The following LINGO2 variants were observed in gnomAD, a reference collection of about 807,000 sequenced individuals.
LINGO2 encodes leucine rich repeat and Ig domain containing 2, also known as leucine-rich repeat and immunoglobulin-like domain-containing nogo receptor-interacting protein 2.
In LINGO2, 14 loss-of-function variants were observed where a neutral mutation model predicts 30.6. The ratio of observed to expected loss-of-function variants is 0.46; its 90% CI spans 0.30 to 0.72. The LOEUF is 0.72. LINGO2 is among the 30% of genes least tolerant of loss of function. The probability of loss-of-function intolerance (pLI) is 0.07; values close to 1 mark genes in which losing one functional copy is unlikely to be tolerated. For missense variants in LINGO2, 729 were observed against 751.7 expected, an observed-to-expected ratio of 0.97 and a Z score of 0.35; for synonymous variants, 317 against 288.5, an observed-to-expected ratio of 1.10 and a Z score of -1.00.
At chr9:28,426,651 A>G (rs1361138407) in intron 2 of LINGO2, among the ~76,000 whole-genome samples, 1 of 152,086 alleles carries the variant, frequency 6.6e-6, no homozygotes, top group Non-Finnish European at 1.5e-5. Context: ...AAAGATGGGG[A>G]CAGAGAGGTT....
intron 1 of LINGO2, among the ~76,000 whole-genome samples, chr9:28,612,273 G>A (rs1393071954): frequency 6.6e-6 from 1 of 152,030 alleles, no homozygotes; most frequent in Non-Finnish European, 1.5e-5. Context: ...ATATTGTGTA[G>A]GCTGGTCTCC....
the LINGO2 span, among the ~76,000 whole-genome samples, chr9:28,878,633 A>C: frequency 6.6e-6 from 1 of 152,210 alleles, no homozygotes; most frequent in Non-Finnish European, 1.5e-5. Context: ...CAAAAAGCTT[A>C]TCCACCAGGA....
the LINGO2 span, among the ~76,000 whole-genome samples, chr9:28,804,308 C>G: frequency 2.0e-5 from 3 of 152,086 alleles, no homozygotes; most frequent in African/African-American, 4.8e-5. Context: ...TGATGTCCAT[C>G]GAAAGGAACA....
intron 3 of LINGO2, among the ~76,000 whole-genome samples, chr9:28,346,657 A>G (rs1449210548): frequency 1.3e-5 from 2 of 152,166 alleles, no homozygotes; most frequent in Admixed American, 6.5e-5. Context: ...TCCCACCAGC[A>G]GTGTATAAGC....
At chr9:28,766,107 A>G in the LINGO2 span, among the ~76,000 whole-genome samples, 1 of 152,092 alleles carries the variant, frequency 6.6e-6, no homozygotes, top group South Asian at 2.1e-4. Flanking sequence ...ATGGCATCAA[A>G]CTAAAAAGCT....
chr9:28,826,963 T>C, the LINGO2 span, among the ~76,000 whole-genome samples: 1 of 152,186 alleles, frequency 6.6e-6, no homozygotes, highest in African/African-American at 2.4e-5. Flanking sequence ...GCTATAGTTA[T>C]TGGTCTGGAG....
At chr9:28,176,415 T>C (rs1300992456) in intron 4 of LINGO2, among the ~76,000 whole-genome samples, 1 of 152,210 alleles carries the variant, frequency 6.6e-6, no homozygotes. Context: ...GTAGCAGTTT[T>C]CATCTGAATT....
At chr9:28,523,984 AATAAAAG>A (rs1820922670) in intron 1 of LINGO2, among the ~76,000 whole-genome samples, 1 of 152,098 alleles carries the variant, frequency 6.6e-6, no homozygotes, top group East Asian at 1.9e-4. Context: ...CAATCTTGAA[AATAAAAG>A]ATAAAAATCA....
At chr9:29,098,238 A>T in the LINGO2 span, among the ~76,000 whole-genome samples, 1 of 152,214 alleles carries the variant, frequency 6.6e-6, no homozygotes, top group African/African-American at 2.4e-5. Context: ...CTGAGGAGAT[A>T]GCAGCAATAT....
chr9:29,167,335 G>T, the LINGO2 span, among the ~76,000 whole-genome samples: 19 of 152,204 alleles, frequency 1.2e-4, 1 homozygote, highest in African/African-American at 4.6e-4. Flanking sequence ...TAGCACTTCT[G>T]TTTTCGTACT....
chr9:29,162,393 T>C, the LINGO2 span, among the ~76,000 whole-genome samples: 1 of 152,218 alleles, frequency 6.6e-6, no homozygotes. Flanking sequence ...TATATCAATG[T>C]TTGCAGTTAA....
intron 1 of LINGO2, among the ~76,000 whole-genome samples, chr9:28,570,959 T>G (rs1320285117): frequency 6.6e-6 from 1 of 151,128 alleles, no homozygotes; most frequent in Non-Finnish European, 1.5e-5. Flanking sequence ...AAACTTCTAC[T>G]GATATTCAAC....
the LINGO2 span, among the ~76,000 whole-genome samples, chr9:29,058,850 G>A: frequency 6.6e-6 from 1 of 151,740 alleles, no homozygotes; most frequent in Non-Finnish European, 1.5e-5. Context: ...GTAAAAATAG[G>A]TCGTTACATT....
chr9:28,349,161 C>T (rs577456919), intron 3 of LINGO2, among the ~76,000 whole-genome samples: 35 of 152,300 alleles, frequency 2.3e-4, no homozygotes, highest in East Asian at 9.7e-4. Context: ...ATGACTTTGA[C>T]GAGCTGAGAG....
intron 1 of LINGO2, among the ~76,000 whole-genome samples, chr9:28,590,422 T>C (rs1824819840): frequency 6.6e-6 from 1 of 151,924 alleles, no homozygotes; most frequent in Admixed American, 6.6e-5. Context: ...GAAGGGCTAA[T>C]ATCCAGAATC....
At chr9:28,245,135 G>A (rs1040017969) in intron 4 of LINGO2, among the ~76,000 whole-genome samples, 1 of 152,170 alleles carries the variant, frequency 6.6e-6, no homozygotes, top group Non-Finnish European at 1.5e-5. Flanking sequence ...TCACTGGGAT[G>A]CAAGACTGGT....
the LINGO2 span, among the ~76,000 whole-genome samples, chr9:28,868,892 C>A: frequency 6.6e-6 from 1 of 152,000 alleles, no homozygotes; most frequent in Non-Finnish European, 1.5e-5. Context: ...CAACTCACAA[C>A]ATTTGCAATA....
intron 3 of LINGO2, among the ~76,000 whole-genome samples, chr9:28,311,110 C>A (rs1433265482): frequency 6.6e-6 from 1 of 151,910 alleles, no homozygotes; most frequent in Non-Finnish European, 1.5e-5. Flanking sequence ...GCTGGATGTC[C>A]GGGGGAGACA....
intron 4 of LINGO2, among the ~76,000 whole-genome samples, chr9:28,192,951 G>A (rs546147353): frequency 1.3e-3 from 202 of 152,216 alleles, no homozygotes; most frequent in Non-Finnish European, 2.5e-3. Context: ...ACATTCTAAA[G>A]ACATTAAGAG....
Sources: gnomAD v4.1 joint callset for allele counts (sites outside exome capture counted in the v4.1 genomes callset) on GRCh38, gnomAD v4.1.1 for gene constraint, MANE v1.5 for transcripts, NCBI Gene and HGNC (gene_info 2026-07-23, HGNC 2026-07-21) for gene names.